KAZN: variants seen among roughly 807,000 people sequenced by gnomAD.
The protein encoded by KAZN is kazrin.
In KAZN, 40 loss-of-function variants were observed where a neutral mutation model predicts 87.4. The ratio of observed to expected loss-of-function variants is 0.46; its 90% confidence interval spans 0.36 to 0.60. The LOEUF is 0.60. KAZN is among the 20% of genes least tolerant of loss of function. The probability of loss-of-function intolerance (pLI) is 0.00; values close to 1 mark genes in which losing one functional copy is unlikely to be tolerated. For missense variants in KAZN, 898 were observed against 1,073.9 expected (o/e 0.84, Z 2.29); for synonymous variants, 466 against 458.3 (o/e 1.02, Z -0.22).
intron 3 of KAZN, among the ~76,000 whole-genome samples, chr1:15,035,423 T>C (rs1033778908): frequency 6.6e-5 from 10 of 152,126 alleles, no homozygotes; most frequent in African/African-American, 2.4e-4. Context: ...ACAGAGGAAG[T>C]GACATATGCA....
At chr1:14,687,314 C>T (rs1361974613) in intron 1 of KAZN, among the ~76,000 whole-genome samples, 3 of 152,188 alleles carry the variant, frequency 2.0e-5, no homozygotes, top group African/African-American at 7.2e-5. Context: ...AGATGCACCC[C>T]TTTGCTGGAA....
At chr1:14,775,125 C>A (rs1448240284) in intron 1 of KAZN, among the ~76,000 whole-genome samples, 1 of 152,192 alleles carries the variant, frequency 6.6e-6, no homozygotes, top group Non-Finnish European at 1.5e-5. Context: ...TAAATCACCT[C>A]GTTTGACCCT....
rs980587237 is a variant in KAZN, at chr1:14,996,382, G to A, written c.418+35507G>A. ...ACATATTGGGTTGCTTGGCTGTCCC[G>A]GCACATCATGGGGGCCTCAGAGGCA... is the stretch of plus-strand genomic sequence containing the variant. On this transcript the variant is annotated intron_variant, in intron 2 of 14. Transcript: ENST00000376030. The surrounding 1 kb of genome is among the most constrained non-coding windows in gnomAD (Gnocchi z 5.9). 5.3e-5 allele frequency among the ~76,000 whole-genome samples: 8 copies of A among 152,084 alleles called. No homozygotes were observed. Among genetic ancestry groups the A allele is most frequent in the Non-Finnish European group, 7.4e-5 (5 of 68,016 alleles).
At chr1:14,264,107 T>C (rs982038963) in intron 2 of KAZN, among the ~76,000 whole-genome samples, 1 of 152,236 alleles carries the variant, frequency 6.6e-6, no homozygotes, top group Admixed American at 6.5e-5. Context: ...CAGGGTACAG[T>C]GTGAGTCAGC....
At position 14,941,422 on chromosome 1, in the gene KAZN, G is replaced by C. The variant is rs570082122; in HGVS notation, c.227-19262G>C. Among the ~76,000 whole-genome samples, 3 of 152,278 alleles carry C rather than the reference G, an allele frequency of 2.0e-5. No individual in the cohort carries two copies. The East Asian group carries it at 5.8e-4, about 29-fold the overall frequency. On this transcript the variant is annotated intron_variant, in intron 1 of 14. Coordinates refer to ENST00000376030, the MANE Select transcript of KAZN (RefSeq NM_201628.3). ...TCAGCCGAGAGATTACAAAAAAGAG[G>C]AGGGCAAAGATGGAACAATACATTA...
At chr1:14,394,041 G>C (rs768552440) in intron 2 of KAZN, among the ~76,000 whole-genome samples, 3 of 152,196 alleles carry the variant, frequency 2.0e-5, no homozygotes, top group Admixed American at 2.0e-4. Flanking sequence ...TTGCTGTGCA[G>C]CTGCTTCAGG....
chr1:14,432,711 T>C (rs1666142697), intron 2 of KAZN, among the ~76,000 whole-genome samples: 1 of 152,134 alleles, frequency 6.6e-6, no homozygotes, highest in Non-Finnish European at 1.5e-5. Context: ...CCTAATGTTC[T>C]CTCTCCCCTT....
chr1:14,293,626 A>G (rs915713917), intron 2 of KAZN, among the ~76,000 whole-genome samples: 2 of 151,382 alleles, frequency 1.3e-5, no homozygotes, highest in Admixed American at 1.3e-4. Context: ...CCCTCTTTCA[A>G]TTTTCATGAG....
At chr1:13,953,268 A>G (rs1274756715) in intron 1 of KAZN, among the ~76,000 whole-genome samples, 2 of 152,220 alleles carry the variant, frequency 1.3e-5, no homozygotes, top group African/African-American at 4.8e-5. Context: ...AATGGTCTAA[A>G]GTAACACCTC....
intron 1 of KAZN, among the ~76,000 whole-genome samples, chr1:14,783,087 G>T (rs974139013): frequency 6.6e-6 from 1 of 152,112 alleles, no homozygotes; most frequent in African/African-American, 2.4e-5. Flanking sequence ...CCTTTAGGGG[G>T]TGCTCAGCCC....
chr1:14,858,364 C>T (rs944255084), intron 1 of KAZN, among the ~76,000 whole-genome samples: 6 of 152,154 alleles, frequency 3.9e-5, no homozygotes, highest in Admixed American at 3.3e-4. Context: ...AGGCGCCTGC[C>T]ACCATGTCCA....
At chr1:14,914,555 G>T (rs1657596185) in intron 1 of KAZN, among the ~76,000 whole-genome samples, 1 of 152,202 alleles carries the variant, frequency 6.6e-6, no homozygotes, top group South Asian at 2.1e-4. Context: ...AAGCCTTAAA[G>T]GGACAGGCCT....
At chr1:14,966,380 T>C (rs957483091) in intron 2 of KAZN, among the ~76,000 whole-genome samples, 10 of 152,196 alleles carry the variant, frequency 6.6e-5, no homozygotes, top group African/African-American at 2.4e-4. Flanking sequence ...AACTCACTGG[T>C]GTCTGGCTTC....
intron 2 of KAZN, among the ~76,000 whole-genome samples, chr1:14,977,924 G>A (rs112640430): frequency 0.011 from 1,359 of 124,642 alleles, 25 homozygotes; most frequent in African/African-American, 0.04. Flanking sequence ...GTGGAGTTTC[G>A]CTCTTGTTGC....
At chr1:14,619,658 C>T (rs549956142) in intron 1 of KAZN, among the ~76,000 whole-genome samples, 220 of 152,314 alleles carry the variant, frequency 1.4e-3, no homozygotes, top group Middle Eastern at 3.4e-3. Context: ...CCACCCCACA[C>T]GGAAACCCTG....
chr1:15,027,115 T>C (rs917109623), intron 2 of KAZN, among the ~76,000 whole-genome samples: 20 of 126,876 alleles, frequency 1.6e-4, no homozygotes, highest in Non-Finnish European at 3.0e-4. Flanking sequence ...AGAGTCTCGC[T>C]CTGTCGCCCA....
At chr1:14,439,529 G>A (rs1042328911) in intron 2 of KAZN, among the ~76,000 whole-genome samples, 1 of 152,138 alleles carries the variant, frequency 6.6e-6, no homozygotes, top group Admixed American at 6.5e-5. Context: ...TAAATTTGCT[G>A]TTCACTTAGA....
chr1:14,067,824 T>C (rs936715630), intron 1 of KAZN, among the ~76,000 whole-genome samples: 2 of 152,256 alleles, frequency 1.3e-5, no homozygotes, highest in Non-Finnish European at 2.9e-5. Flanking sequence ...TGGTTTGGCC[T>C]CATTTCAGTC....
At chr1:14,200,201 T>G (rs1023171546) in intron 2 of KAZN, among the ~76,000 whole-genome samples, 2 of 151,990 alleles carry the variant, frequency 1.3e-5, no homozygotes, top group Admixed American at 1.3e-4. Flanking sequence ...ATCCCTAGAG[T>G]AAAATACCCT....
Sources: gnomAD v4.1 joint callset for allele counts (sites outside exome capture counted in the v4.1 genomes callset) on GRCh38, gnomAD v4.1.1 for gene constraint, Gnocchi (gnomAD v3.1) non-coding constraint, MANE v1.5 for transcripts, NCBI Gene and HGNC (gene_info 2026-07-23, HGNC 2026-07-21) for gene names.